The following PVT1 variants were observed in gnomAD, a reference collection of about 807,000 sequenced individuals.
PVT1 encodes CXCR4/PVT1 fusion.
At chr8:127,917,319 A>T (rs980214520) in intron 3 of PVT1, among the ~76,000 whole-genome samples, 2 of 152,226 alleles carry the variant, frequency 1.3e-5, no homozygotes, top group Non-Finnish European at 2.9e-5. Flanking sequence ...GGACTCACAG[A>T]TCATGAGGAG....
In PVT1 at chr8:127,868,787, A is replaced by ACGTATATATATATG. The variant is rs756298457; in HGVS notation, n.373-21802_373-21801insCGTATATATATATG. On this transcript the variant is annotated intron_variant and non_coding_transcript_variant, in intron 2 of 10. Transcript: ENST00000651587. ...CCTTTTAACATATATATATATATATATATATACATATATATGTACATATAT... is the reference window on the plus strand; with the variant it reads ...CCTTTTAACATATATATATATATATACGTATATATATATGTATATACATATATATGTACATATAT... 3.6e-3 allele frequency among the ~76,000 whole-genome samples: 267 copies of ACGTATATATATATG among 74,996 alleles called. 10 individuals are homozygous for ACGTATATATATATG. Among genetic ancestry groups the ACGTATATATATATG allele is most frequent in the African/African-American group, 0.028 (224 of 8,138 alleles). 49.2% of individuals were successfully genotyped at this position (74,996 alleles called of 152,430 possible). A position where few individuals can be genotyped will look rare whatever the true frequency, so the allele number is the denominator to read the frequency against.
At chr8:127,838,483 T>C (rs1353400148) in intron 2 of PVT1, among the ~76,000 whole-genome samples, 1 of 152,040 alleles carries the variant, frequency 6.6e-6, no homozygotes, top group Non-Finnish European at 1.5e-5. Flanking sequence ...GGCGAGTGGA[T>C]TACCTGAGGT....
intron 3 of PVT1, among the ~76,000 whole-genome samples, chr8:127,973,167 A>G (rs191669335): frequency 6.6e-6 from 1 of 152,306 alleles, no homozygotes; most frequent in Non-Finnish European, 1.5e-5. Context: ...AAGTGCCAGG[A>G]TTACAGGTGT....
chr8:127,828,615 G>A (rs1355351048), intron 2 of PVT1, among the ~76,000 whole-genome samples: 1 of 152,040 alleles, frequency 6.6e-6, no homozygotes, highest in African/African-American at 2.4e-5. Context: ...GCCAAGCGAG[G>A]CCAGGTTTTT....
At chr8:128,083,721 T>A (rs550857316) in intron 5 of PVT1, among the ~76,000 whole-genome samples, 1 of 152,144 alleles carries the variant, frequency 6.6e-6, no homozygotes, top group Non-Finnish European at 1.5e-5. Flanking sequence ...TGCCAGAGAG[T>A]GAGAGTGAGA....
chr8:127,978,786 C>A (rs2044162283), intron 3 of PVT1, among the ~76,000 whole-genome samples: 1 of 152,104 alleles, frequency 6.6e-6, no homozygotes, highest in South Asian at 2.1e-4. Flanking sequence ...GCACCCGGAC[C>A]ATTATTATTA....
intron 5 of PVT1, among the ~76,000 whole-genome samples, chr8:128,095,697 C>T (rs1814419140): frequency 6.6e-6 from 1 of 152,212 alleles, no homozygotes; most frequent in Admixed American, 6.5e-5. Context: ...TACAGCAAAA[C>T]TTTGTGGTTT....
At chr8:127,874,433 G>A (rs951935207) in intron 2 of PVT1, among the ~76,000 whole-genome samples, 6 of 152,194 alleles carry the variant, frequency 3.9e-5, no homozygotes, top group African/African-American at 1.4e-4. Flanking sequence ...CATGTCCAGA[G>A]ATCAGGGATG....
chr8:127,919,614 A>C (rs1256852700), intron 3 of PVT1, among the ~76,000 whole-genome samples: 1 of 152,126 alleles, frequency 6.6e-6, no homozygotes, highest in Non-Finnish European at 1.5e-5. Flanking sequence ...GGTGGAAAGG[A>C]CGCTGGACTG....
At chr8:127,888,491 G>T (rs936316223) in intron 2 of PVT1, among the ~76,000 whole-genome samples, 2 of 152,218 alleles carry the variant, frequency 1.3e-5, no homozygotes, top group South Asian at 4.1e-4. Context: ...TAGAACCTGC[G>T]AATATGTTGC....
chr8:127,949,379 CTG>C (rs61425056), intron 3 of PVT1, among the ~76,000 whole-genome samples: 13,105 of 111,138 alleles, frequency 0.12, 798 homozygotes, highest in African/African-American at 0.19. Flanking sequence ...ACTCCAGGAG[CTG>C]TGTGTGTGTG....
intron 3 of PVT1, among the ~76,000 whole-genome samples, chr8:127,935,945 CA>C (rs1276711141): frequency 1.3e-5 from 2 of 149,676 alleles, no homozygotes; most frequent in Non-Finnish European, 2.9e-5. Flanking sequence ...AGAATCTTGT[CA>C]GGGGTGGCCA....
intron 2 of PVT1, among the ~76,000 whole-genome samples, chr8:127,826,602 A>G (rs1467531965): frequency 6.6e-6 from 1 of 152,234 alleles, no homozygotes; most frequent in African/African-American, 2.4e-5. Flanking sequence ...AAAGGAGGAT[A>G]ACACACACAG....
intron 2 of PVT1, among the ~76,000 whole-genome samples, chr8:127,848,489 G>T (rs1000011099): frequency 2.4e-4 from 37 of 152,262 alleles, no homozygotes; most frequent in African/African-American, 8.4e-4. Flanking sequence ...TTCAAGACCA[G>T]CCTGACCAAC....
intron 2 of PVT1, among the ~76,000 whole-genome samples, chr8:127,820,871 A>C (rs1358597556): frequency 6.6e-6 from 1 of 151,994 alleles, no homozygotes; most frequent in African/African-American, 2.4e-5. Context: ...ACCATGCCTA[A>C]CTAATTTTTG....
At chr8:127,909,298 T>C (rs966692774) in intron 3 of PVT1, among the ~76,000 whole-genome samples, 2 of 152,208 alleles carry the variant, frequency 1.3e-5, no homozygotes, top group African/African-American at 2.4e-5. Flanking sequence ...GTGTTCGCAG[T>C]GTGGTTACTG....
intron 3 of PVT1, among the ~76,000 whole-genome samples, chr8:127,908,984 G>A (rs997602135): frequency 5.3e-5 from 8 of 152,204 alleles, no homozygotes; most frequent in Non-Finnish European, 7.3e-5. Flanking sequence ...TGGTTGCTCT[G>A]TCCTCTTAGC....
chr8:128,071,793 A>T (rs922334880), intron 5 of PVT1, among the ~76,000 whole-genome samples: 1 of 152,090 alleles, frequency 6.6e-6, no homozygotes, highest in Non-Finnish European at 1.5e-5. Context: ...CCTGGGAAGC[A>T]TTTTATTTCT....
At position 127,847,755 on chromosome 8, in the gene PVT1, C is replaced by T. The variant is rs556805427; in HGVS notation, n.373-42834C>T. 5.9e-5 allele frequency among the ~76,000 whole-genome samples: 9 copies of T among 152,036 alleles called. No homozygotes were observed. In the South Asian group the frequency reaches 1.9e-3, roughly 32 times the overall value. ...TGCCATCTTTTCTGTAAAAAAAAAGCATGGGTGTAGAGGGGATGTAAAAAT... is the reference window on the plus strand; with the variant it reads ...TGCCATCTTTTCTGTAAAAAAAAAGTATGGGTGTAGAGGGGATGTAAAAAT... On this transcript the variant is annotated intron_variant and non_coding_transcript_variant, in intron 2 of 10. Coordinates refer to ENST00000651587, the Ensembl canonical transcript of PVT1.
Sources: allele counts gnomAD v4.1 joint callset (sites outside exome capture counted in the v4.1 genomes callset), GRCh38; gene constraint gnomAD v4.1.1; transcripts MANE v1.5; gene names NCBI Gene and HGNC (gene_info 2026-07-23, HGNC 2026-07-21).